PTGER3: variants seen among roughly 807,000 people sequenced by gnomAD.
The protein encoded by PTGER3 is prostaglandin E2 receptor EP3 subtype.
In PTGER3, 22 loss-of-function variants were observed where a neutral mutation model predicts 34.7. That is an observed-to-expected ratio of 0.63 (90% CI 0.45 to 0.91). PTGER3 has a LOEUF of 0.91. Among genes scored for constraint, PTGER3 ranks in the 40% least tolerant of loss-of-function variants. The pLI, the probability that PTGER3 is intolerant of heterozygous loss-of-function variation, is 0.00. For missense variants in PTGER3, 468 were observed against 519.4 expected, an observed-to-expected ratio of 0.90 and a Z score of 0.96; for synonymous variants, 241 against 230.1, an observed-to-expected ratio of 1.05 and a Z score of -0.43.
intron 1 of PTGER3, among the ~76,000 whole-genome samples, chr1:71,014,047 CAT>C (rs1012086652): frequency 4.6e-5 from 7 of 152,112 alleles, no homozygotes; most frequent in African/African-American, 1.4e-4. Flanking sequence ...GTTAAATAAA[CAT>C]ATATTATTCA....
intron 4 of PTGER3, among the ~76,000 whole-genome samples, chr1:70,931,780 A>C (rs1047353700): frequency 6.6e-6 from 1 of 152,016 alleles, no homozygotes; most frequent in Admixed American, 6.5e-5. Flanking sequence ...TTTTCCTCCT[A>C]GGCTTCCTGG....
At chr1:70,900,936 A>G (rs1297245195) in intron 4 of PTGER3, among the ~76,000 whole-genome samples, 3 of 152,158 alleles carry the variant, frequency 2.0e-5, no homozygotes, top group Non-Finnish European at 4.4e-5. Context: ...GACCAGTAGG[A>G]GGAAACAGAT....
At chr1:71,040,977 T>A (rs1660262788) in intron 1 of PTGER3, among the ~76,000 whole-genome samples, 1 of 152,126 alleles carries the variant, frequency 6.6e-6, no homozygotes, top group African/African-American at 2.4e-5. Flanking sequence ...AAAGAAGTGC[T>A]CTGTGTAAAG....
chr1:70,916,743 A>G (rs527530246), intron 4 of PTGER3, among the ~76,000 whole-genome samples: 67 of 152,070 alleles, frequency 4.4e-4, no homozygotes, highest in African/African-American at 1.6e-3. Context: ...GAGGAGGAGA[A>G]TGTGGGTTGG....
At chr1:70,953,796 AAG>A (rs1328281505) in intron 2 of PTGER3, 3 of 1,331,488 alleles carry the variant, frequency 2.3e-6, no homozygotes, top group Non-Finnish European at 3.1e-6. Flanking sequence ...TCATCTGAAA[AAG>A]AGTAATAACA....
chr1:70,948,189 A>G (rs1391736281), downstream of PTGER3, among the ~76,000 whole-genome samples: 15 of 152,056 alleles, frequency 9.9e-5, no homozygotes, highest in African/African-American at 2.9e-4. Context: ...CTTTGGCTGT[A>G]TCCCCACCCA....
chr1:71,008,030 G>C (rs1657117037), intron 2 of PTGER3: 1 of 984,914 alleles, frequency 1.0e-6, no homozygotes, highest in Non-Finnish European at 1.2e-6. Context: ...TCACATATTA[G>C]GCTACTGGCA....
At chr1:70,927,438 G>A (rs74986081) in intron 4 of PTGER3, among the ~76,000 whole-genome samples, 11,655 of 152,182 alleles carry the variant, frequency 0.077, 585 homozygotes, top group Middle Eastern at 0.12. Context: ...ATCCAAGATA[G>A]AGAAGACAGT....
chr1:70,964,172 T>C (rs1004820663), intron 2 of PTGER3, among the ~76,000 whole-genome samples: 1 of 152,192 alleles, frequency 6.6e-6, no homozygotes. Context: ...TTCCATACTT[T>C]CCCGCATCTT....
At chr1:70,976,568 T>C (rs1242187666) in intron 2 of PTGER3, among the ~76,000 whole-genome samples, 1 of 152,164 alleles carries the variant, frequency 6.6e-6, no homozygotes, top group African/African-American at 2.4e-5. Flanking sequence ...AATAGCCTTG[T>C]TACTACTGTT....
intron 1 of PTGER3, among the ~76,000 whole-genome samples, chr1:71,020,519 G>T (rs997997): frequency 0.33 from 49,940 of 151,750 alleles, 8,959 homozygotes; most frequent in South Asian, 0.45. Context: ...GAAAATGAAA[G>T]GATTTCATTT....
intron 4 of PTGER3, among the ~76,000 whole-genome samples, chr1:70,885,106 T>G (rs1393714866): frequency 6.6e-6 from 1 of 152,012 alleles, no homozygotes; most frequent in Non-Finnish European, 1.5e-5. Flanking sequence ...TAGACTCTTT[T>G]TACTTCTTTT....
rs1218118350 is a variant in PTGER3 at position 70,907,808 on chromosome 1, C to T, written c.*23+45955G>A. ...CTGTCAGGGGATTAAAAACCCAGGT[C>T]TGTTTCAGAGATGGGTGGCTCAATA... On this transcript the variant is annotated intron_variant, in intron 4 of 4. Transcript: ENST00000370931. Among the ~76,000 whole-genome samples the T allele has an allele frequency of 2.6e-5, 4 of 152,294 alleles. No individual in the cohort carries two copies. The East Asian group carries it at 7.7e-4, about 29-fold the overall frequency.
intron 4 of PTGER3, among the ~76,000 whole-genome samples, chr1:70,885,482 A>C (rs1375734313): frequency 6.6e-6 from 1 of 152,222 alleles, no homozygotes; most frequent in African/African-American, 2.4e-5. Context: ...AGATGCAAAA[A>C]ATTTTGCATA....
intron 4 of PTGER3, among the ~76,000 whole-genome samples, chr1:70,919,381 A>G (rs556901209): frequency 2.6e-5 from 4 of 152,304 alleles, no homozygotes; most frequent in African/African-American, 9.6e-5. Flanking sequence ...CTCAGAACCC[A>G]TCATGAAATA....
chr1:70,968,478 A>C (rs1652767054), downstream of PTGER3, among the ~76,000 whole-genome samples: 1 of 152,142 alleles, frequency 6.6e-6, no homozygotes, highest in Non-Finnish European at 1.5e-5. Flanking sequence ...GCATAATGAC[A>C]AGAATTTGTG....
At chr1:70,884,023 G>A (rs757392290) in intron 4 of PTGER3, 1 of 374,434 alleles carries the variant, frequency 2.7e-6, no homozygotes, top group Non-Finnish European at 5.3e-6. Flanking sequence ...GGAGGTGAAG[G>A]TTGCAGTGAG....
intron 2 of PTGER3, among the ~76,000 whole-genome samples, chr1:71,003,123 C>T (rs956792779): frequency 2.0e-5 from 3 of 152,140 alleles, no homozygotes; most frequent in African/African-American, 7.2e-5. Flanking sequence ...AAACCATAAA[C>T]ATCAGTAAGA....
chr1:70,988,419 C>G (rs1572864574), intron 2 of PTGER3, among the ~76,000 whole-genome samples: 1 of 152,176 alleles, frequency 6.6e-6, no homozygotes, highest in East Asian at 1.9e-4. Flanking sequence ...TTTCCAGACT[C>G]TCTCCCAGTT....
Sources: allele counts gnomAD v4.1 joint callset (sites outside exome capture counted in the v4.1 genomes callset), GRCh38; gene constraint gnomAD v4.1.1; transcripts MANE v1.5; gene names NCBI Gene and HGNC (gene_info 2026-07-23, HGNC 2026-07-21).